CDH6: variants seen among roughly 807,000 people sequenced by gnomAD.
The protein encoded by CDH6 is cadherin-6.
A neutral mutation model predicts 78.0 loss-of-function variants in CDH6; 31 were observed. That is an observed-to-expected ratio of 0.40 (90% CI 0.30 to 0.54). The LOEUF (loss-of-function observed/expected upper bound fraction) is 0.54, where lower values mean the gene tolerates loss of function less well. Ranked by LOEUF, CDH6 falls within the 20% of genes least tolerant of loss-of-function variation. CDH6 has a pLI of 0.56. For synonymous variants in CDH6, 376 were observed against 368.8 expected, an observed-to-expected ratio of 1.02 and a Z score of -0.23; for missense variants, 724 against 975.9, an observed-to-expected ratio of 0.74 and a Z score of 3.44.
rs187057330 is a variant in CDH6, at chr5:31,318,073, T to A, written c.1882+149T>A. On this transcript the variant is annotated intron_variant, in intron 11 of 11. Transcript: ENST00000265071. Reference sequence around the variant, plus strand: ...CATACTGAGAATCTGTGCTGTACGATGTGAACTCATTTTTGCTTGCAAATG... The same window carrying A: ...CATACTGAGAATCTGTGCTGTACGAAGTGAACTCATTTTTGCTTGCAAATG... 4.6e-5 allele frequency: 44 copies of A among 952,814 alleles called. 1 individual carries two copies. The East Asian group carries it at 1.0e-3, about 22-fold the overall frequency. 59.0% of individuals were successfully genotyped at this position (952,814 alleles called of 1,614,324 possible).
At chr5:31,235,566 G>A (rs751374176) in intron 1 of CDH6, among the ~76,000 whole-genome samples, 4 of 152,130 alleles carry the variant, frequency 2.6e-5, no homozygotes, top group Non-Finnish European at 5.9e-5. Flanking sequence ...TACTGACCAC[G>A]TGGCAGGAAA....
At chr5:31,252,241 A>G (rs889860643) in intron 1 of CDH6, among the ~76,000 whole-genome samples, 3 of 152,190 alleles carry the variant, frequency 2.0e-5, no homozygotes, top group Admixed American at 1.3e-4. Flanking sequence ...AAGAAATTCT[A>G]CATTAGTACG....
chr5:31,238,178 T>G (rs1223473650), intron 1 of CDH6, among the ~76,000 whole-genome samples: 1 of 152,184 alleles, frequency 6.6e-6, no homozygotes, highest in Non-Finnish European at 1.5e-5. Context: ...AAGGGGTACA[T>G]CTAGGGATTT....
rs202082546 is a variant in CDH6, at chr5:31,326,681, ATTTTTTTTTTTT to A, written c.*3390_*3401del. 1.1e-4 allele frequency: 13 copies of A among 123,774 alleles called. No individual in the cohort carries two copies. Among genetic ancestry groups the A allele is most frequent in the Non-Finnish European group, 1.9e-4 (12 of 61,814 alleles). 7.7% of individuals were successfully genotyped at this position (123,774 alleles called of 1,614,324 possible). A position where few individuals can be genotyped will look rare whatever the true frequency, so the allele number is the denominator to read the frequency against. On this transcript the variant is annotated 3_prime_UTR_variant, in exon 12 of 12. Coordinates refer to ENST00000265071, the MANE Select transcript of CDH6 (RefSeq NM_004932.4). ...AAAGAGTTGTGCAGAAAATCTTAAA[ATTTTTTTTTTTT>A]TTTTTTTTTTTTTTTTGAGACAGAA...
At chr5:31,286,001 T>C (rs1743003473) in intron 2 of CDH6, among the ~76,000 whole-genome samples, 1 of 152,230 alleles carries the variant, frequency 6.6e-6, no homozygotes, top group South Asian at 2.1e-4. Flanking sequence ...ATCTACAGAA[T>C]TATCCTAAAG....
intron 1 of CDH6, among the ~76,000 whole-genome samples, chr5:31,252,048 A>G (rs1433366592): frequency 6.6e-6 from 1 of 152,202 alleles, no homozygotes; most frequent in African/African-American, 2.4e-5. Flanking sequence ...GGAGCCTTTA[A>G]TGCTGATTCT....
intron 1 of CDH6, among the ~76,000 whole-genome samples, chr5:31,230,963 A>G (rs991892938): frequency 1.7e-4 from 26 of 152,230 alleles, no homozygotes; most frequent in Non-Finnish European, 2.4e-4. Context: ...ACCTACACAT[A>G]TAAAAATATG....
At chr5:31,234,821 C>A (rs961933799) in intron 1 of CDH6, among the ~76,000 whole-genome samples, 3 of 152,154 alleles carry the variant, frequency 2.0e-5, no homozygotes, top group African/African-American at 7.2e-5. Context: ...TATATACATG[C>A]ATGCACATAT....
chr5:31,269,449 G>A (rs1270024052), intron 2 of CDH6, among the ~76,000 whole-genome samples: 1 of 152,164 alleles, frequency 6.6e-6, no homozygotes, highest in African/African-American at 2.4e-5. Context: ...TGCCAATTAT[G>A]TGACCTAGGA....
chr5:31,248,997 G>GT (rs144390712), intron 1 of CDH6, among the ~76,000 whole-genome samples: 2,465 of 151,750 alleles, frequency 0.016, 80 homozygotes, highest in African/African-American at 0.056. Flanking sequence ...AATGCAGAGG[G>GT]TTTTTTTTCC....
At chr5:31,220,807 TG>T (rs1740984310) in intron 1 of CDH6, among the ~76,000 whole-genome samples, 2 of 151,948 alleles carry the variant, frequency 1.3e-5, no homozygotes, top group Non-Finnish European at 2.9e-5. Flanking sequence ...AGAGAAAAAC[TG>T]GGGGTGGGAA....
chr5:31,281,677 C>A (rs1265844783), intron 2 of CDH6, among the ~76,000 whole-genome samples: 3 of 152,122 alleles, frequency 2.0e-5, no homozygotes, highest in Non-Finnish European at 4.4e-5. Flanking sequence ...ATTGACAAAT[C>A]CTGAATGAAC....
At chr5:31,293,846 T>G in intron 2 of CDH6, 116 bp from the exon 3 acceptor site, 1 of 580,308 alleles carries the variant, frequency 1.7e-6, no homozygotes, top group Non-Finnish European at 2.8e-6. Context: ...AAAAAAAACT[T>G]GTATTCCTTA....
At chr5:31,241,867 G>T (rs531931828) in intron 1 of CDH6, among the ~76,000 whole-genome samples, 1 of 152,166 alleles carries the variant, frequency 6.6e-6, no homozygotes, top group Non-Finnish European at 1.5e-5. Context: ...ATGTGTTTTC[G>T]TGCCTATATT....
At chr5:31,286,318 A>G (rs981011195) in intron 2 of CDH6, among the ~76,000 whole-genome samples, 1 of 152,194 alleles carries the variant, frequency 6.6e-6, no homozygotes, top group Non-Finnish European at 1.5e-5. Flanking sequence ...GTGGGGAATG[A>G]ATTGATTGCA....
At chr5:31,245,462 T>C (rs1741718392) in intron 1 of CDH6, among the ~76,000 whole-genome samples, 1 of 152,072 alleles carries the variant, frequency 6.6e-6, no homozygotes, top group East Asian at 1.9e-4. Flanking sequence ...CCCGTCAGCT[T>C]ACAGGCCTTT....
chr5:31,210,651 C>A (rs1443836154), intron 1 of CDH6, among the ~76,000 whole-genome samples: 1 of 152,118 alleles, frequency 6.6e-6, no homozygotes, highest in Non-Finnish European at 1.5e-5. Flanking sequence ...TGCTCAAGTC[C>A]CTTATATAAA....
chr5:31,322,316 T>A lies in CDH6; in HGVS notation c.1883-502T>A, dbSNP rs2149962062. On this transcript the variant is annotated intron_variant, in intron 11 of 11. Transcript: ENST00000265071. Reference sequence around the variant, plus strand: ...TCAGTGTCTACTTTGGATTTTAAACTAATTTTACACTTTTCTCAGGTAAAA... The same window carrying A: ...TCAGTGTCTACTTTGGATTTTAAACAAATTTTACACTTTTCTCAGGTAAAA... 3.3e-5 allele frequency among the ~76,000 whole-genome samples: 5 copies of A among 151,484 alleles called. 1 individual carries two copies. In the South Asian group the frequency reaches 1.0e-3, roughly 32 times the overall value.
intron 11 of CDH6, 87 bp downstream of exon 11, chr5:31,318,011 A>T (rs748122697): frequency 5.5e-6 from 8 of 1,461,906 alleles, no homozygotes; most frequent in Non-Finnish European, 5.7e-6. Flanking sequence ...TGCCTCCCCC[A>T]TTAAGGCATA....
Sources: allele counts gnomAD v4.1 joint callset (sites outside exome capture counted in the v4.1 genomes callset), GRCh38; gene constraint gnomAD v4.1.1; transcripts MANE v1.5; gene names NCBI Gene and HGNC (gene_info 2026-07-23, HGNC 2026-07-21).